COL27A1: variants seen among roughly 807,000 people sequenced by gnomAD.
COL27A1 encodes the protein collagen alpha-1(XXVII) chain.
Under a neutral mutation model 251.3 loss-of-function variants are expected in COL27A1, and 106 were observed. The ratio of observed to expected loss-of-function variants is 0.42; its 90% CI spans 0.36 to 0.50. COL27A1 has a LOEUF of 0.50. COL27A1 is among the 20% of genes least tolerant of loss of function. The pLI is 0.00. For missense variants in COL27A1, 2,325 were observed against 2,522.8 expected, an observed-to-expected ratio of 0.92 and a Z score of 1.68; for synonymous variants, 1,000 against 986.3, an observed-to-expected ratio of 1.01 and a Z score of -0.26.
intron 34 of COL27A1, 153 bp from the exon 35 acceptor site, chr9:114,269,088 G>A (rs1834942569): frequency 5.2e-6 from 3 of 572,282 alleles, no homozygotes; most frequent in Non-Finnish European, 9.5e-6. Flanking sequence ...TCTGGTTGGT[G>A]TTTTACGATT....
intron 12 of COL27A1, among the ~76,000 whole-genome samples, chr9:114,212,557 T>C (rs1830437670): frequency 6.6e-6 from 1 of 152,148 alleles, no homozygotes; most frequent in Admixed American, 6.5e-5. Flanking sequence ...CAGGGAGTAC[T>C]TGAGGGTTGG....
intron 5 of COL27A1, among the ~76,000 whole-genome samples, chr9:114,188,028 T>G (rs1323262424): frequency 2.0e-5 from 3 of 152,322 alleles, no homozygotes; most frequent in African/African-American, 4.8e-5. Flanking sequence ...GGAGGGTTTT[T>G]GGCTTCACTC....
At chr9:114,240,324 G>T in intron 20 of COL27A1, 51 bp downstream of exon 20, 1 of 1,583,824 alleles carries the variant, frequency 6.3e-7, no homozygotes, top group Non-Finnish European at 8.6e-7. Flanking sequence ...CAGCTCTGCA[G>T]AAACCACAGG....
intron 27 of COL27A1, 33 bp downstream of exon 27, chr9:114,252,965 A>G (rs750043208): frequency 1.9e-6 from 3 of 1,584,984 alleles, no homozygotes; most frequent in Non-Finnish European, 2.6e-6. Flanking sequence ...CTAAGCTCAA[A>G]CCACTGTCAG....
chr9:114,308,382 G>C (rs979296207), intron 59 of COL27A1, among the ~76,000 whole-genome samples: 1 of 152,230 alleles, frequency 6.6e-6, no homozygotes, highest in South Asian at 2.1e-4. Context: ...GACTGCGGGG[G>C]AAAGGAACCC....
intron 19 of COL27A1, among the ~76,000 whole-genome samples, chr9:114,239,830 C>T (rs1832630928): frequency 6.6e-6 from 1 of 152,196 alleles, no homozygotes; most frequent in African/African-American, 2.4e-5. Flanking sequence ...ATCCTCTTTG[C>T]AGGATTACTG....
chr9:114,238,416 A>G (rs188242965), intron 19 of COL27A1, among the ~76,000 whole-genome samples: 16 of 152,290 alleles, frequency 1.1e-4, no homozygotes, highest in Admixed American at 6.5e-4. Context: ...CGTCCCTCTC[A>G]GGATCATTGG....
At chr9:114,300,515 T>A in intron 50 of COL27A1, 110 bp from the exon 51 acceptor site, 1 of 810,908 alleles carries the variant, frequency 1.2e-6, no homozygotes, top group Non-Finnish European at 1.9e-6. Flanking sequence ...AGGTAAGGCC[T>A]CTCTTGACAA....
chr9:114,235,713 C>A, intron 17 of COL27A1, 61 bp downstream of exon 17: 1 of 1,348,140 alleles, frequency 7.4e-7, no homozygotes, highest in Non-Finnish European at 1.1e-6. Context: ...TTCCCCTGGT[C>A]TTGGCTTCCT....
At chr9:114,275,585 A>G in intron 36 of COL27A1, 76 bp from the exon 37 acceptor site, 1 of 959,896 alleles carries the variant, frequency 1.0e-6, no homozygotes, top group Non-Finnish European at 1.6e-6. Flanking sequence ...TGGAGCCCTG[A>G]GATTTGGGGC....
chr9:114,244,298 G>C lies in COL27A1; in HGVS notation c.2934+738G>C, dbSNP rs572341088. ...GACAGGGATTATCTCTGGGTGGTGG[G>C]ACAATAGGAGATTTTCATTTTCTTC... On this transcript the variant is annotated intron_variant, in intron 23 of 60. Transcript: ENST00000356083. 3.5e-4 allele frequency among the ~76,000 whole-genome samples: 53 copies of C among 152,238 alleles called. 2 individuals are homozygous for C. Among genetic ancestry groups the C allele is most frequent in the African/African-American group, 1.2e-3 (50 of 41,544 alleles).
In COL27A1 at chr9:114,169,436, G is replaced by A. The variant is rs139195697; in HGVS notation, c.1881G>A (p.Pro627=). ...STPFPLLMGP[P]GPKGDCGLPG... ...CTTTCCCTCTGCTGATGGGGCCTCCGGGACCCAAGGGAGACTGTGGCTTGC... is the reference window on the plus strand; with the variant it reads ...CTTTCCCTCTGCTGATGGGGCCTCCAGGACCCAAGGGAGACTGTGGCTTGC... Residue 627 remains proline, a synonymous_variant, in exon 3 of 61, where the codon CCG becomes CCA. Transcript: ENST00000356083. 82 of 1,549,584 alleles carry A rather than the reference G, an allele frequency of 5.3e-5. No individual in the cohort carries two copies. Among genetic ancestry groups the A allele is most frequent in the African/African-American group, 3.6e-4 (26 of 72,750 alleles).
Position 114,284,762 on chromosome 9 carries a change from A to C in COL27A1, c.3972A>C (p.Gly1324=), listed in dbSNP as rs147328458. Reference sequence around the variant, plus strand: ...TTGTGGGACCCCTTGGACCTCCTGGACCAAAAGGCGAAAAGGTGGGTGTTT... The same window carrying C: ...TTGTGGGACCCCTTGGACCTCCTGGCCCAAAAGGCGAAAAGGTGGGTGTTT... ...KGIVGPLGPP[G]PKGEKGEQGE... is the part of the protein sequence containing the mutation. The change falls in exon 41 of 61, where the codon GGA becomes GGC. Residue 1324 remains glycine (G), a synonymous_variant. Transcript: ENST00000356083. 11 of 1,614,098 alleles carry C rather than the reference A, an allele frequency of 6.8e-6. No individual in the cohort carries two copies. The South Asian group carries it at 1.2e-4, about 18-fold the overall frequency.
intron 28 of COL27A1, 48 bp from the exon 29 acceptor site, chr9:114,264,307 A>G: frequency 6.8e-7 from 1 of 1,475,602 alleles, no homozygotes; most frequent in Non-Finnish European, 9.1e-7. Context: ...TCTCCGCCCG[A>G]GGGAGACCCC....
chr9:114,235,769 C>G (rs576905767), intron 17 of COL27A1, 117 bp downstream of exon 17: 3 of 774,218 alleles, frequency 3.9e-6, no homozygotes, highest in Admixed American at 1.8e-5. Flanking sequence ...AGACGGCTGC[C>G]CTCGAAATAA....
At chr9:114,274,953 C>T (rs980809783) in intron 36 of COL27A1, among the ~76,000 whole-genome samples, 2 of 151,814 alleles carry the variant, frequency 1.3e-5, no homozygotes, top group African/African-American at 2.4e-5. Context: ...CAGCTAGTTG[C>T]AGCAGCTCAT....
chr9:114,234,807 G>A (rs930287139), intron 16 of COL27A1, among the ~76,000 whole-genome samples: 1 of 151,966 alleles, frequency 6.6e-6, no homozygotes, highest in Non-Finnish European at 1.5e-5. Flanking sequence ...GCCAGGCACA[G>A]TGGCTCACGC....
In COL27A1 at chr9:114,312,507, TGGA is replaced by T. The variant is rs1829510496; in HGVS notation, c.*1813_*1815del. 1 of 152,180 alleles carries T rather than the reference TGGA, an allele frequency of 6.6e-6. No individual in the cohort carries two copies. The highest frequency in any genetic ancestry group is 2.4e-5 in the African/African-American group (1 of 41,434). The allele number at this position is 152,180 out of a possible 1,614,324, so 9.4% of individuals were successfully genotyped here. ...AAATAAATATTTAAAACTGAGGCAA[TGGA>T]ATGACACGCCTGTGGTCCCGTGCTG... On this transcript the variant is annotated 3_prime_UTR_variant, in exon 61 of 61. Transcript: ENST00000356083.
chr9:114,174,262 C>T (rs1025797191), intron 3 of COL27A1, among the ~76,000 whole-genome samples: 3 of 151,962 alleles, frequency 2.0e-5, no homozygotes, highest in Non-Finnish European at 2.9e-5. Context: ...AGACTATTTA[C>T]GGAGGGGTGG....
Sources: allele counts gnomAD v4.1 joint callset (sites outside exome capture counted in the v4.1 genomes callset), GRCh38; gene constraint gnomAD v4.1.1; transcripts MANE v1.5; gene names NCBI Gene and HGNC (gene_info 2026-07-23, HGNC 2026-07-21).